The following RBFOX1 variants were observed in gnomAD, a reference collection of about 807,000 sequenced individuals.
RBFOX1 encodes RNA binding fox-1 homolog 1.
RBFOX1 carries 8 observed loss-of-function variants against 57.7 expected under a neutral mutation model. That is an observed-to-expected ratio of 0.14 (90% CI 0.08 to 0.25). RBFOX1 has a LOEUF of 0.25. Among genes scored for constraint, RBFOX1 ranks in the 10% least tolerant of loss-of-function variants. RBFOX1 has a pLI of 1.00. For missense variants in RBFOX1, 611 were observed against 548.5 expected, an observed-to-expected ratio of 1.11 and a Z score of -1.14; for synonymous variants, 326 against 222.4, an observed-to-expected ratio of 1.47 and a Z score of -4.15.
intron 4 of RBFOX1, among the ~76,000 whole-genome samples, chr16:7,481,919 A>G (rs1243426413): frequency 6.6e-6 from 1 of 152,214 alleles, no homozygotes; most frequent in Non-Finnish European, 1.5e-5. Context: ...TCATGTAATA[A>G]TTGAATGCAT....
rs570853467 is a variant in RBFOX1, at chr16:6,548,699, G to T, written c.-63-105904G>T. 5.3e-5 allele frequency among the ~76,000 whole-genome samples: 8 copies of T among 152,266 alleles called. No individual in the cohort carries two copies. The South Asian group carries it at 6.2e-4, about 12-fold the overall frequency. ...TTGAGTCAGAAGATTTCACGATGTC[G>T]CAAGAACTCTGATTCTCTCAGATCT... On this transcript the variant is annotated intron_variant, in intron 2 of 15. Coordinates refer to ENST00000550418, the MANE Select transcript of RBFOX1 (RefSeq NM_018723.4).
At chr16:6,678,218 G>C (rs576658234) in intron 3 of RBFOX1, among the ~76,000 whole-genome samples, 1 of 152,284 alleles carries the variant, frequency 6.6e-6, no homozygotes, top group South Asian at 2.1e-4. Flanking sequence ...CTGCCTCCTT[G>C]AGTTCAAGCA....
intron 2 of RBFOX1, among the ~76,000 whole-genome samples, chr16:6,556,922 TG>T (rs1567671036): frequency 6.6e-6 from 1 of 151,014 alleles, no homozygotes. Context: ...TTGAGGTTTT[TG>T]TCATCCATTG....
At chr16:6,631,720 G>C (rs1026019999) in intron 2 of RBFOX1, among the ~76,000 whole-genome samples, 2 of 152,194 alleles carry the variant, frequency 1.3e-5, no homozygotes, top group African/African-American at 4.8e-5. Context: ...GCTGGGGGAA[G>C]AGCTCACTGA....
At chr16:7,313,759 C>T (rs940907059) in intron 4 of RBFOX1, among the ~76,000 whole-genome samples, 4 of 152,072 alleles carry the variant, frequency 2.6e-5, no homozygotes, top group Non-Finnish European at 4.4e-5. Flanking sequence ...TTTTTAGATG[C>T]AGAATCCAAG....
rs551499024 is a variant in RBFOX1 at position 6,923,292 on chromosome 16, G to C, written c.-15-128765G>C. 2.0e-5 allele frequency among the ~76,000 whole-genome samples: 3 copies of C among 152,228 alleles called. No individual in the cohort carries two copies. In the East Asian group the frequency reaches 5.8e-4, roughly 30 times the overall value. ...CTCATGCCTATAATCCCAGAACTTTGGGATGCCAAGGCGGGAGGATCATGT... is the reference window on the plus strand; with the variant it reads ...CTCATGCCTATAATCCCAGAACTTTCGGATGCCAAGGCGGGAGGATCATGT... On this transcript the variant is annotated intron_variant, in intron 3 of 15. Transcript: ENST00000550418.
intron 4 of RBFOX1, among the ~76,000 whole-genome samples, chr16:7,296,230 A>C (rs2095885686): frequency 6.7e-6 from 1 of 148,172 alleles, no homozygotes; most frequent in Non-Finnish European, 1.5e-5. Flanking sequence ...AATTTGAAGG[A>C]CTGTCCTTTA....
intron 3 of RBFOX1, among the ~76,000 whole-genome samples, chr16:5,696,382 T>A (rs1183725281): frequency 6.6e-6 from 1 of 152,224 alleles, no homozygotes; most frequent in Non-Finnish European, 1.5e-5. Context: ...CCCTGTATGA[T>A]TACAGCAGAA....
intron 2 of RBFOX1, among the ~76,000 whole-genome samples, chr16:6,407,543 G>C (rs2093326030): frequency 1.3e-5 from 1 of 75,878 alleles, no homozygotes. Context: ...GGAGAGGGGT[G>C]TGTGTGTGTG....
chr16:5,697,127 ATTGT>A (rs1285980790), intron 3 of RBFOX1, among the ~76,000 whole-genome samples: 2 of 151,914 alleles, frequency 1.3e-5, no homozygotes, highest in East Asian at 1.9e-4. Context: ...ATAATTTTGG[ATTGT>A]TTATTTCTGG....
At chr16:7,434,475 A>G (rs572131468) in intron 4 of RBFOX1, among the ~76,000 whole-genome samples, 1 of 151,648 alleles carries the variant, frequency 6.6e-6, no homozygotes, top group Admixed American at 6.6e-5. Context: ...CTGTCTCGTT[A>G]AAATAAATAA....
rs2095413080 is a variant in RBFOX1 at position 6,483,697 on chromosome 16, G to A, written c.-64+166640G>A. On this transcript the variant is annotated intron_variant, in intron 2 of 15. Coordinates refer to ENST00000550418, the MANE Select transcript of RBFOX1 (RefSeq NM_018723.4). ...AGGGGGTTGCAGAGGGACGGGGGCG[G>A]GCGACAGGGGGAGGAGTGTGCAAAT... 9.3e-6 allele frequency: 9 copies of A among 969,160 alleles called. 1 individual carries two copies. The South Asian group carries it at 1.5e-4, about 16-fold the overall frequency. 60.0% of individuals were successfully genotyped at this position (969,160 alleles called of 1,614,324 possible).
At chr16:6,360,985 G>A (rs1454089807) in intron 2 of RBFOX1, among the ~76,000 whole-genome samples, 2 of 135,814 alleles carry the variant, frequency 1.5e-5, no homozygotes, top group Admixed American at 7.4e-5. Context: ...TTATTTTTAG[G>A]CAGGTAATTT....
chr16:5,294,981 G>C (rs1396885209), intron 1 of RBFOX1, among the ~76,000 whole-genome samples: 1 of 139,010 alleles, frequency 7.2e-6, no homozygotes, highest in African/African-American at 2.6e-5. Context: ...AGTGAGCCGA[G>C]ATCGCACCAT....
chr16:6,373,866 G>T (rs953390527), intron 2 of RBFOX1, among the ~76,000 whole-genome samples: 1 of 152,158 alleles, frequency 6.6e-6, no homozygotes, highest in African/African-American at 2.4e-5. Flanking sequence ...TTCAGGTGCT[G>T]TTTAAGAAGT....
chr16:6,114,514 C>T (rs1312757007), intron 1 of RBFOX1, among the ~76,000 whole-genome samples: 1 of 151,988 alleles, frequency 6.6e-6, no homozygotes, highest in Admixed American at 6.5e-5. Context: ...TTGTTTATTC[C>T]TCATTTTTCT....
chr16:7,676,510 G>C (rs1277270744), intron 13 of RBFOX1, among the ~76,000 whole-genome samples: 2 of 152,114 alleles, frequency 1.3e-5, no homozygotes, highest in Admixed American at 6.5e-5. Flanking sequence ...TTAACATTTA[G>C]GTACATTTTC....
chr16:5,585,750 T>G (rs2046809635), intron 2 of RBFOX1, among the ~76,000 whole-genome samples: 1 of 152,092 alleles, frequency 6.6e-6, no homozygotes, highest in Non-Finnish European at 1.5e-5. Context: ...ACCATCTAAC[T>G]GTATGTGGCC....
chr16:7,224,827 G>T (rs768623678), intron 4 of RBFOX1, among the ~76,000 whole-genome samples: 4 of 152,102 alleles, frequency 2.6e-5, no homozygotes. Context: ...TAGAAATGCA[G>T]ACTGTTATGT....
Sources: gnomAD v4.1 joint callset for allele counts (sites outside exome capture counted in the v4.1 genomes callset) on GRCh38, gnomAD v4.1.1 for gene constraint, MANE v1.5 for transcripts, NCBI Gene and HGNC (gene_info 2026-07-23, HGNC 2026-07-21) for gene names.